TPD52L3: variants seen among roughly 807,000 people sequenced by gnomAD.
TPD52L3 encodes tumor protein D55.
TPD52L3 carries 12 observed loss-of-function variants against 8.7 expected under a neutral mutation model. The ratio of observed to expected loss-of-function variants is 1.38; its 90% CI spans 0.89 to 2.24. The LOEUF (loss-of-function observed/expected upper bound fraction) is 2.24. Among genes scored for constraint, TPD52L3 ranks in the 30% most tolerant of loss-of-function variants. The probability of loss-of-function intolerance (pLI) is 0.00; values close to 1 mark genes in which losing one functional copy is unlikely to be tolerated. For missense variants in TPD52L3, 207 were observed against 158.7 expected, an observed-to-expected ratio of 1.30 and a Z score of -1.64; for synonymous variants, 79 against 66.8, an observed-to-expected ratio of 1.18 and a Z score of -0.89.
In TPD52L3 at chr9:6,328,978, T is replaced by C; in HGVS notation, c.367+16T>C. 1.9e-6 allele frequency: 3 copies of C among 1,614,122 alleles called. No individual in the cohort carries two copies. Among genetic ancestry groups the C allele is most frequent in the Non-Finnish European group, 2.5e-6 (3 of 1,180,010 alleles). The stretch of plus-strand genomic sequence containing the variant: ...TCTTTTGAAGGTCTGATGGGGACAA[T>C]CAAGTCCAAAGTCTCAGGGGGCAAA... On this transcript the variant is annotated intron_variant, in intron 1 of 1. Transcript: ENST00000314556.
At chr9:6,330,850 G>C in intron 1 of TPD52L3, 126 bp from the exon 2 acceptor site, 1 of 1,467,196 alleles carries the variant, frequency 6.8e-7, no homozygotes, top group East Asian at 2.5e-5. Context: ...AAACCTGAGA[G>C]ATGTTATATT....
chr9:6,328,920 C>A lies in TPD52L3; in HGVS notation c.325C>A (p.Leu109Ile). 1 of 1,614,190 alleles carries A rather than the reference C, an allele frequency of 6.2e-7. No individual in the cohort carries two copies. The highest frequency in any genetic ancestry group is 8.5e-7 in the Non-Finnish European group (1 of 1,180,016). The change falls in exon 1 of 2, where the codon CTT (leucine) becomes ATT (isoleucine). Residue 109 changes from leucine to isoleucine, a missense_variant. Transcript: ENST00000314556. ...CATGGGCACTCTCATCTGCAGGAAG[C>A]TTGGAGGCGTGAAGAAGTCGGCCAC... ...STMGTLICRK[L>I]GGVKKSATFR...
Position 6,331,582 on chromosome 9 carries a change from T to C in TPD52L3, c.*563T>C, listed in dbSNP as rs1251206310. ...AAGTAGTCTTACATACTACATTAGA[T>C]ATCAATATTTAAGCCTGTAGGAAAT... On this transcript the variant is annotated 3_prime_UTR_variant, in exon 2 of 2. Coordinates refer to ENST00000314556, the MANE Select transcript of TPD52L3 (RefSeq NM_001001874.3). The C allele has an allele frequency of 2.0e-5, 3 of 152,148 alleles. No homozygotes were observed. Among genetic ancestry groups the C allele is most frequent in the Admixed American group, 6.6e-5 (1 of 15,260 alleles). The allele number at this position is 152,148 out of a possible 1,614,324, so 9.4% of individuals were successfully genotyped here. A position where few individuals can be genotyped will look rare whatever the true frequency, so the allele number is the denominator to read the frequency against.
At chr9:6,330,776 A>G in intron 1 of TPD52L3, 200 bp from the exon 2 acceptor site, 1 of 1,337,638 alleles carries the variant, frequency 7.5e-7, no homozygotes. Flanking sequence ...TCCAACAGGC[A>G]AAGGCTTTGA....
Position 6,328,450 on chromosome 9 carries a change from C to T in TPD52L3, c.-146C>T, listed in dbSNP as rs1818057675. On this transcript the variant is annotated 5_prime_UTR_variant, in exon 1 of 2. Coordinates refer to ENST00000314556, the MANE Select transcript of TPD52L3 (RefSeq NM_001001874.3). ...GCCATGGATCCCTCCCGCCTGAAAT[C>T]TGACTCCACCTGCCAAGAGTCTGAG... The T allele has an allele frequency of 4.1e-6, 4 of 981,624 alleles. No individual in the cohort carries two copies. The East Asian group carries it at 7.3e-5, about 18-fold the overall frequency. 60.8% of individuals were successfully genotyped at this position (981,624 alleles called of 1,614,324 possible).
chr9:6,328,850 C>G lies in TPD52L3; in HGVS notation c.255C>G (p.Val85=), dbSNP rs967734520. The change falls in exon 1 of 2, where the codon GTC becomes GTG. Residue 85 remains valine (V), a synonymous_variant. Transcript: ENST00000314556. The part of the protein sequence containing the change: ...NLSKSWLDVQ[V]SNTYVKQKTS... Reference sequence around the variant, plus strand: ...CCAAGAGCTGGCTTGATGTTCAGGTCTCCAACACCTATGTGAAACAGAAGA... The same window carrying G: ...CCAAGAGCTGGCTTGATGTTCAGGTGTCCAACACCTATGTGAAACAGAAGA... The G allele has an allele frequency of 3.1e-6, 5 of 1,614,190 alleles. No homozygotes were observed. In the South Asian group the frequency reaches 4.4e-5, roughly 14 times the overall value.
rs1475485047 is a variant in TPD52L3 at position 6,328,967 on chromosome 9, G to C, written c.367+5G>C. The stretch of plus-strand genomic sequence containing the variant: ...CCACATTCAGATCTTTTGAAGGTCT[G>C]ATGGGGACAATCAAGTCCAAAGTCT... On this transcript the variant is annotated splice_donor_5th_base_variant and intron_variant, in intron 1 of 1. Coordinates refer to ENST00000314556, the MANE Select transcript of TPD52L3 (RefSeq NM_001001874.3). 6.2e-7 allele frequency: 1 copy of C among 1,614,158 alleles called. No individual in the cohort carries two copies. The highest frequency in any genetic ancestry group is 8.5e-7 in the Non-Finnish European group (1 of 1,180,024).
At chr9:6,329,182 T>C (rs1818092677) in intron 1 of TPD52L3, 3 of 1,451,598 alleles carry the variant, frequency 2.1e-6, no homozygotes, top group East Asian at 5.0e-5. Context: ...CTTGGTAACC[T>C]TGCCTGGTAC....
chr9:6,329,406 T>C (rs960350116), intron 1 of TPD52L3: 1 of 1,061,968 alleles, frequency 9.4e-7, no homozygotes, highest in Middle Eastern at 4.7e-4. Context: ...AAATGTGCCA[T>C]TATATTAGCT....
At chr9:6,330,233 C>T (rs199936801) in intron 1 of TPD52L3, 308 of 1,611,792 alleles carry the variant, frequency 1.9e-4, no homozygotes, top group Middle Eastern at 1.2e-3. Context: ...GAGCTCAAGA[C>T]AGTAGGAACC....
At chr9:6,330,237 A>G (rs1818123985) in intron 1 of TPD52L3, 5 of 1,611,422 alleles carry the variant, frequency 3.1e-6, no homozygotes, top group Non-Finnish European at 4.2e-6. Context: ...TCAAGACAGT[A>G]GGAACCTGGA....
chr9:6,328,798 C>T lies in TPD52L3; in HGVS notation c.203C>T (p.Ala68Val). 1 of 1,614,156 alleles carries T rather than the reference C, an allele frequency of 6.2e-7. No individual in the cohort carries two copies. Among genetic ancestry groups the T allele is most frequent in the African/African-American group, 1.3e-5 (1 of 75,046 alleles). Residue 68 changes from alanine (A) to valine (V), a missense_variant, in exon 1 of 2, where the codon GCC becomes GTC. Ala to Val is a moderately conservative substitution (Grantham distance 64). Coordinates refer to ENST00000314556, the MANE Select transcript of TPD52L3 (RefSeq NM_001001874.3). ...CTCAAGAGGAAGTTAGGCCTCACCG[C>T]CTTGGTAGGGCTGAGACAGAATCTG... ...GELKRKLGLT[A>V]LVGLRQNLSK... is the part of the protein sequence containing the mutation.
At chr9:6,330,736 G>C in intron 1 of TPD52L3, 1 of 1,279,890 alleles carries the variant, frequency 7.8e-7, no homozygotes, top group Non-Finnish European at 9.9e-7. Context: ...AACAAGAGGT[G>C]AGCCTGCAGC....
rs1222014364 is a variant in TPD52L3 at position 6,331,737 on chromosome 9, G to A, written c.*718G>A. The A allele has an allele frequency of 2.0e-5, 3 of 151,828 alleles. No individual in the cohort carries two copies. The highest frequency in any genetic ancestry group is 7.2e-5 in the African/African-American group (3 of 41,414). The allele number at this position is 151,828 out of a possible 1,614,324, so 9.4% of individuals were successfully genotyped here. ...TCAGACTTAGGAACCAACTGCATGA[G>A]GCGGGGCTTGGGGGGATAAATTTGC... is the stretch of plus-strand genomic sequence containing the variant. On this transcript the variant is annotated 3_prime_UTR_variant, in exon 2 of 2. Coordinates refer to ENST00000314556, the MANE Select transcript of TPD52L3 (RefSeq NM_001001874.3).
At chr9:6,328,986 A>G (rs773860386) in intron 1 of TPD52L3, 24 bp downstream of exon 1, 7 of 1,614,048 alleles carry the variant, frequency 4.3e-6, no homozygotes, top group Non-Finnish European at 5.9e-6. Flanking sequence ...AATCAAGTCC[A>G]AAGTCTCAGG....
rs1818138004 is a variant in TPD52L3, at chr9:6,330,846, G to C, written c.368-130G>C. 4 of 1,461,202 alleles carry C rather than the reference G, an allele frequency of 2.7e-6. No individual in the cohort carries two copies. In the South Asian group the frequency reaches 6.1e-5, roughly 22 times the overall value. 90.5% of individuals were successfully genotyped at this position (1,461,202 alleles called of 1,614,324 possible). On this transcript the variant is annotated intron_variant, in intron 1 of 1. Transcript: ENST00000314556. Reference sequence around the variant, plus strand: ...CAGACTATTATCATGGGCCAAACCTGAGAGATGTTATATTTTATTTAATAA... The same window carrying C: ...CAGACTATTATCATGGGCCAAACCTCAGAGATGTTATATTTTATTTAATAA...
At position 6,328,799 on chromosome 9, in the gene TPD52L3, C is replaced by T. The variant is rs766612820; in HGVS notation, c.204C>T (p.Ala68=). 1.4e-5 allele frequency: 22 copies of T among 1,614,186 alleles called. No homozygotes were observed. The highest frequency in any genetic ancestry group is 1.9e-5 in the Non-Finnish European group (22 of 1,180,042). The part of the protein sequence containing the change: ...GELKRKLGLT[A]LVGLRQNLSK... ...TCAAGAGGAAGTTAGGCCTCACCGCCTTGGTAGGGCTGAGACAGAATCTGT... is the reference window on the plus strand; with the variant it reads ...TCAAGAGGAAGTTAGGCCTCACCGCTTTGGTAGGGCTGAGACAGAATCTGT... Residue 68 remains alanine (A), a synonymous_variant, in exon 1 of 2, where the codon GCC becomes GCT. Transcript: ENST00000314556.
Position 6,328,480 on chromosome 9 carries a change from C to T in TPD52L3, c.-116C>T, listed in dbSNP as rs1364569847. ...TCCACCTGCCAAGAGTCTGAGCCTG[C>T]AGGCCTAGATTTCGACTCTGCTGGC... On this transcript the variant is annotated 5_prime_UTR_variant, in exon 1 of 2. Transcript: ENST00000314556. 1 of 1,277,342 alleles carries T rather than the reference C, an allele frequency of 7.8e-7. No homozygotes were observed. The highest frequency in any genetic ancestry group is 1.1e-6 in the Non-Finnish European group (1 of 927,130). The allele number at this position is 1,277,342 out of a possible 1,614,324, so 79.1% of individuals were successfully genotyped here. A position where few individuals can be genotyped will look rare whatever the true frequency, so the allele number is the denominator to read the frequency against.
chr9:6,328,689 C>G lies in TPD52L3; in HGVS notation c.94C>G (p.Leu32Val). ...TCTGACAGAGCCCGAGCAAAGAGAG[C>G]TCAAAACCAAACTCACTAAATTGGA... ...EDLTEPEQRE[L>V]KTKLTKLEAE... is the part of the protein sequence containing the mutation. Residue 32 changes from leucine (L) to valine (V), a missense_variant, in exon 1 of 2, where the codon CTC becomes GTC. Leu to Val is a conservative substitution (Grantham distance 32). Transcript: ENST00000314556. The G allele has an allele frequency of 6.2e-7, 1 of 1,614,164 alleles. No individual in the cohort carries two copies. Among genetic ancestry groups the G allele is most frequent in the Non-Finnish European group, 8.5e-7 (1 of 1,180,034 alleles).
Sources: allele counts gnomAD v4.1 joint callset, GRCh38; gene constraint gnomAD v4.1.1; transcripts MANE v1.5; gene names NCBI Gene and HGNC (gene_info 2026-07-23, HGNC 2026-07-21).